The following COX15 variants were observed in gnomAD, a reference collection of about 807,000 sequenced individuals.
COX15 encodes the protein heme A synthase COX15.
A neutral mutation model predicts 51.9 loss-of-function variants in COX15; 51 were observed. The ratio of observed to expected loss-of-function variants is 0.98; its 90% CI spans 0.78 to 1.24. COX15 has a LOEUF of 1.24. Among genes scored for constraint, COX15 ranks in the 50% most tolerant of loss-of-function variants. COX15 has a pLI of 0.00. For missense variants in COX15, 420 were observed against 501.1 expected (o/e 0.84, Z 1.55); for synonymous variants, 188 against 190.5 (o/e 0.99, Z 0.11).
At chr10:99,715,642 A>G (rs1283626773) in intron 8 of COX15, among the ~76,000 whole-genome samples, 2 of 150,722 alleles carry the variant, frequency 1.3e-5, no homozygotes, top group South Asian at 2.1e-4. Flanking sequence ...CCATCTCTAA[A>G]AAAAAAAAAA....
chr10:99,722,284 A>T (rs1256153686), intron 5 of COX15, among the ~76,000 whole-genome samples: 2 of 152,204 alleles, frequency 1.3e-5, no homozygotes, highest in Non-Finnish European at 2.9e-5. Context: ...GTGAATCTAA[A>T]CTAACAGAGA....
At chr10:99,702,480 T>C in the COX15 span, 1 of 1,505,764 alleles carries the variant, frequency 6.6e-7, no homozygotes, top group Non-Finnish European at 8.9e-7. Flanking sequence ...TCTTTTCTCT[T>C]TTTTTAAAAT....
Position 99,710,915 on chromosome 10 carries a change from G to T in COX15, c.*3672C>A, listed in dbSNP as rs543904506. On this transcript the variant is annotated 3_prime_UTR_variant, in exon 9 of 9. Transcript: ENST00000016171. ...TTTCCTTCATGTTTTAAAAACAATGGACGTAAGTGCAGAGAGACCTTTGAA... is the reference window on the plus strand; with the variant it reads ...TTTCCTTCATGTTTTAAAAACAATGTACGTAAGTGCAGAGAGACCTTTGAA... 1.0e-6 allele frequency: 1 copy of T among 985,286 alleles called. No homozygotes were observed. The highest frequency in any genetic ancestry group is 4.7e-5 in the South Asian group (1 of 21,288). 61.0% of individuals were successfully genotyped at this position (985,286 alleles called of 1,614,324 possible).
downstream of COX15, among the ~76,000 whole-genome samples, chr10:99,706,987 C>T (rs142076399): frequency 8.4e-3 from 1,275 of 152,284 alleles, 8 homozygotes; most frequent in Non-Finnish European, 0.015. Flanking sequence ...TAGTATTCTT[C>T]ATCCTGGCTG....
chr10:99,696,158 AATGTC>A, the COX15 span: 1 of 1,606,212 alleles, frequency 6.2e-7, no homozygotes, highest in Non-Finnish European at 8.5e-7. Context: ...TCTGAAATAT[AATGTC>A]AGGCTGCAGA....
chr10:99,723,955 C>A lies in COX15; in HGVS notation c.750+1G>T. The A allele has an allele frequency of 6.2e-7, 1 of 1,613,698 alleles. No individual in the cohort carries two copies. Among genetic ancestry groups the A allele is most frequent in the Admixed American group, 1.7e-5 (1 of 60,010 alleles). On this transcript the variant is annotated splice_donor_variant, in intron 5 of 8. Coordinates refer to ENST00000016171, the MANE Select transcript of COX15 (RefSeq NM_078470.6). LOFTEE classifies it high-confidence loss of function. ...CACAGATATTTGCACACAACTCTTA[C>A]CTTGTGCGGAGGGAGTAGCAGTGAC...
chr10:99,727,183 G>A (rs1382176178), intron 3 of COX15, 29 bp from the exon 4 acceptor site: 1 of 1,607,128 alleles, frequency 6.2e-7, no homozygotes, highest in Admixed American at 1.7e-5. Flanking sequence ...CAAAAAAGGA[G>A]GAGGAGGAAA....
chr10:99,713,375 T>C lies in COX15; in HGVS notation c.*1212A>G, dbSNP rs202111313. 31 of 1,613,750 alleles carry C rather than the reference T, an allele frequency of 1.9e-5. No homozygotes were observed. The highest frequency in any genetic ancestry group is 1.8e-4 in the Admixed American group (11 of 60,020). ...GGACTGTTTTCAGTTGCCACTGTCA[T>C]CTATTATATTAGCAATATTGGGTTG... On this transcript the variant is annotated 3_prime_UTR_variant, in exon 9 of 9. Coordinates refer to ENST00000016171, the MANE Select transcript of COX15 (RefSeq NM_078470.6).
At position 99,711,848 on chromosome 10, in the gene COX15, TAGAA is replaced by T. The variant is rs2036399956; in HGVS notation, c.*2735_*2738del. On this transcript the variant is annotated 3_prime_UTR_variant, in exon 9 of 9. Transcript: ENST00000016171. ...GCTATAAGGAAATACTGACAATTTT[TAGAA>T]AGAAAAGAGGTTTATTTGGCTCACT... 3 of 983,230 alleles carry T rather than the reference TAGAA, an allele frequency of 3.1e-6. No homozygotes were observed. Among genetic ancestry groups the T allele is most frequent in the South Asian group, 4.7e-5 (1 of 21,244 alleles). 60.9% of individuals were successfully genotyped at this position (983,230 alleles called of 1,614,324 possible).
At chr10:99,703,629 G>A in the COX15 span, among the ~76,000 whole-genome samples, 6 of 152,050 alleles carry the variant, frequency 3.9e-5, no homozygotes, top group African/African-American at 7.2e-5. Context: ...TTTTCATATC[G>A]CCTTATTTTT....
At position 99,713,464 on chromosome 10, in the gene COX15, T is replaced by A. The variant is rs1477052318; in HGVS notation, c.*1123A>T. ...AAATCACTGATTTTAAAAGTAAAGTTGAATAAGACAGGGCCCTATGAAATA... is the reference window on the plus strand; with the variant it reads ...AAATCACTGATTTTAAAAGTAAAGTAGAATAAGACAGGGCCCTATGAAATA... On this transcript the variant is annotated 3_prime_UTR_variant, in exon 9 of 9. Transcript: ENST00000016171. The A allele has an allele frequency of 6.2e-7, 1 of 1,613,530 alleles. No homozygotes were observed. Among genetic ancestry groups the A allele is most frequent in the Non-Finnish European group, 8.5e-7 (1 of 1,179,908 alleles).
intron 6 of COX15, among the ~76,000 whole-genome samples, chr10:99,720,645 A>G (rs1485887438): frequency 6.6e-6 from 1 of 152,236 alleles, no homozygotes; most frequent in East Asian, 1.9e-4. Flanking sequence ...CACATTTAGC[A>G]GTCATACTGT....
At chr10:99,714,741 A>G (rs763832735) in intron 8 of COX15, 23 bp from the exon 9 acceptor site, 34 of 1,611,866 alleles carry the variant, frequency 2.1e-5, no homozygotes, top group Non-Finnish European at 2.9e-5. Context: ...AAAGAAGGCA[A>G]TAGGAAAGGC....
chr10:99,715,899 A>G (rs1256525830), intron 8 of COX15, among the ~76,000 whole-genome samples: 1 of 150,556 alleles, frequency 6.6e-6, no homozygotes, highest in Non-Finnish European at 1.5e-5. Flanking sequence ...GTAATTGTGT[A>G]TTGATGTCCT....
intron 8 of COX15, among the ~76,000 whole-genome samples, chr10:99,716,049 C>T (rs757752763): frequency 1.7e-4 from 24 of 145,360 alleles, no homozygotes; most frequent in Non-Finnish European, 3.1e-4. Context: ...TGGGGTGCAG[C>T]GGTGCGATCT....
chr10:99,725,175 C>G (rs1474398559), intron 4 of COX15, among the ~76,000 whole-genome samples: 1 of 152,232 alleles, frequency 6.6e-6, no homozygotes, highest in East Asian at 1.9e-4. Context: ...CCCTTTCACT[C>G]CCACTTGCCA....
At chr10:99,704,623 A>G in the COX15 span, 1 of 1,614,082 alleles carries the variant, frequency 6.2e-7, no homozygotes, top group Non-Finnish European at 8.5e-7. Context: ...CCTCAGCTCC[A>G]TTGGACTTGC....
the COX15 span, chr10:99,704,910 T>TA: frequency 1.8e-6 from 1 of 558,442 alleles, no homozygotes; most frequent in Non-Finnish European, 3.2e-6. Context: ...TTGGTGCTAA[T>TA]ACGGGGGACC....
intron 7 of COX15, 192 bp from the exon 8 acceptor site, chr10:99,716,653 A>C: frequency 1.8e-6 from 1 of 546,408 alleles, no homozygotes; most frequent in Non-Finnish European, 3.4e-6. Context: ...TCTGCTTGCC[A>C]CTTAAACGTC....
Sources: allele counts gnomAD v4.1 joint callset (sites outside exome capture counted in the v4.1 genomes callset), GRCh38; gene constraint gnomAD v4.1.1; transcripts MANE v1.5; gene names NCBI Gene and HGNC (gene_info 2026-07-23, HGNC 2026-07-21).